Variants in GTSE1 observed in about 807,000 individuals in gnomAD.
The protein encoded by GTSE1 is G2 and S-phase expressed 1, also known as G2 and S phase-expressed protein 1.
A neutral mutation model predicts 60.5 loss-of-function variants in GTSE1; 52 were observed. The ratio of observed to expected loss-of-function variants is 0.86; its 90% CI spans 0.69 to 1.08. The LOEUF (loss-of-function observed/expected upper bound fraction) is 1.08. Ranked by LOEUF, GTSE1 falls within the 50% of genes least tolerant of loss-of-function variation. The pLI, the probability that GTSE1 is intolerant of heterozygous loss-of-function variation, is 0.00. For missense variants in GTSE1, 937 were observed against 961.8 expected, an observed-to-expected ratio of 0.97 and a Z score of 0.34; for synonymous variants, 368 against 386.5, an observed-to-expected ratio of 0.95 and a Z score of 0.56.
chr22:46,306,192 AT>A (rs1474108923), intron 2 of GTSE1, among the ~76,000 whole-genome samples: 2 of 151,530 alleles, frequency 1.3e-5, no homozygotes, highest in Admixed American at 1.3e-4. Context: ...TTATTTATTT[AT>A]TTTTTTGAGA....
At position 46,320,344 on chromosome 22, in the gene GTSE1, C is replaced by T. The variant is rs2077805429; in HGVS notation, c.1433-2846C>T. On this transcript the variant is annotated intron_variant, in intron 7 of 11. Coordinates refer to ENST00000454366, the MANE Select transcript of GTSE1 (RefSeq NM_016426.7). This position sits in a 1 kb window ranked among gnomAD's most constrained non-coding sequence, Gnocchi z 7.1. ...CCTCCTCTCTCCACAATGCTGGGAA[C>T]AGGACTGTCTCTTGCACGCCTTTGG... is the stretch of plus-strand genomic sequence containing the variant. Among the ~76,000 whole-genome samples, 1 of 152,226 alleles carries T rather than the reference C, an allele frequency of 6.6e-6. No homozygotes were observed. The highest frequency in any genetic ancestry group is 1.5e-5 in the Non-Finnish European group (1 of 68,042).
chr22:46,324,077 G>A lies in GTSE1; in HGVS notation c.1505+815G>A, dbSNP rs938208896. On this transcript the variant is annotated intron_variant, in intron 8 of 11. Transcript: ENST00000454366. This position sits in a 1 kb window ranked among gnomAD's most constrained non-coding sequence, Gnocchi z 5.2. ...GAATGTTGCTGACCTTTTTCCTCAC[G>A]TCAAGTAGGGATGGCCCAAGCTCAG... Among the ~76,000 whole-genome samples the A allele has an allele frequency of 5.9e-4, 90 of 152,246 alleles. 1 individual carries two copies. The highest frequency in any genetic ancestry group is 6.8e-3 in the Middle Eastern group (2 of 294).
At chr22:46,300,085 G>A (rs2147810945) in intron 2 of GTSE1, among the ~76,000 whole-genome samples, 1 of 148,638 alleles carries the variant, frequency 6.7e-6, no homozygotes, top group African/African-American at 2.5e-5. Context: ...TTACAGGCAT[G>A]AGCCACTGTG....
chr22:46,330,262 C>A lies in GTSE1; in HGVS notation c.*132C>A. ...TTGGGAGGCTGAGGTGGGCGGATTACTTGAGCCCAGGAGTTCGGGACCAGC... is the reference window on the plus strand; with the variant it reads ...TTGGGAGGCTGAGGTGGGCGGATTAATTGAGCCCAGGAGTTCGGGACCAGC... On this transcript the variant is annotated 3_prime_UTR_variant, in exon 12 of 12. Transcript: ENST00000454366. This position sits in a 1 kb window ranked among gnomAD's most constrained non-coding sequence, Gnocchi z 6.0. The A allele has an allele frequency of 1.6e-6, 1 of 642,766 alleles. No homozygotes were observed. The highest frequency in any genetic ancestry group is 2.9e-6 in the Non-Finnish European group (1 of 349,688). The allele number at this position is 642,766 out of a possible 1,614,324, so 39.8% of individuals were successfully genotyped here.
At chr22:46,299,404 C>T (rs2077676441) in intron 2 of GTSE1, among the ~76,000 whole-genome samples, 1 of 152,252 alleles carries the variant, frequency 6.6e-6, no homozygotes, top group African/African-American at 2.4e-5. Context: ...TATTTGGCGT[C>T]TTCACATGCA....
At chr22:46,315,360 A>G (rs2077772883) in intron 6 of GTSE1, among the ~76,000 whole-genome samples, 1 of 151,986 alleles carries the variant, frequency 6.6e-6, no homozygotes, top group Admixed American at 6.6e-5. Flanking sequence ...CCTGGCCCAC[A>G]TTTTTGTGTT....
Position 46,317,222 on chromosome 22 carries a change from C to T in GTSE1, c.1432+810C>T, listed in dbSNP as rs1168633978. 1.3e-5 allele frequency among the ~76,000 whole-genome samples: 2 copies of T among 152,184 alleles called. No homozygotes were observed. Among genetic ancestry groups the T allele is most frequent in the African/African-American group, 2.4e-5 (1 of 41,444 alleles). On this transcript the variant is annotated intron_variant, in intron 7 of 11. Transcript: ENST00000454366. The surrounding 1 kb of genome is among the most constrained non-coding windows in gnomAD (Gnocchi z 5.6). ...CCTCAAGTGACCCACCCATCTCGGC[C>T]TCTCAAACTGCTGGGATTATAGGTG...
In GTSE1 at chr22:46,318,849, T is replaced by C. The variant is rs193220221; in HGVS notation, c.1432+2437T>C. Among the ~76,000 whole-genome samples the C allele has an allele frequency of 2.0e-5, 3 of 152,280 alleles. No homozygotes were observed. The East Asian group carries it at 5.8e-4, about 29-fold the overall frequency. Reference sequence around the variant, plus strand: ...AGGGACCCAGGCTTACTCCATCCTGTGCTGCCGTGATGAGCTTCTCATCCT... The same window carrying C: ...AGGGACCCAGGCTTACTCCATCCTGCGCTGCCGTGATGAGCTTCTCATCCT... On this transcript the variant is annotated intron_variant, in intron 7 of 11. Transcript: ENST00000454366. The surrounding 1 kb of genome is among the most constrained non-coding windows in gnomAD (Gnocchi z 4.8).
chr22:46,311,138 T>TG, intron 4 of GTSE1, among the ~76,000 whole-genome samples: 1 of 151,970 alleles, frequency 6.6e-6, no homozygotes, highest in South Asian at 2.1e-4. Context: ...AGTGCAATGG[T>TG]GCAATCTCGG....
At position 46,321,657 on chromosome 22, in the gene GTSE1, C is replaced by T. The variant is rs80235320; in HGVS notation, c.1433-1533C>T. Among the ~76,000 whole-genome samples, 2,181 of 152,222 alleles carry T rather than the reference C, an allele frequency of 0.014. 47 individuals carry two copies. Among genetic ancestry groups the T allele is most frequent in the African/African-American group, 0.049 (2,052 of 41,532 alleles). ...TTTAGAAATGAGTGAAGGGAGACAT[C>T]GCAAGAAGCTTCCAGCACGCTGGAA... On this transcript the variant is annotated intron_variant, in intron 7 of 11. Coordinates refer to ENST00000454366, the MANE Select transcript of GTSE1 (RefSeq NM_016426.7). The surrounding 1 kb of genome is among the most constrained non-coding windows in gnomAD (Gnocchi z 4.0).
rs1569033558 is a variant in GTSE1, at chr22:46,297,379, G to A, written c.-21-1G>A. On this transcript the variant is annotated splice_acceptor_variant, in intron 1 of 11. Coordinates refer to ENST00000454366, the MANE Select transcript of GTSE1 (RefSeq NM_016426.7). LOFTEE classifies it low-confidence loss of function (5UTR_SPLICE). The surrounding 1 kb of genome is among the most constrained non-coding windows in gnomAD (Gnocchi z 4.9). Reference sequence around the variant, plus strand: ...CTTTCTGGCCCCGTTCCACCCTGCAGTGACTTCTGACAGCTCTCTCCATGG... The same window carrying A: ...CTTTCTGGCCCCGTTCCACCCTGCAATGACTTCTGACAGCTCTCTCCATGG... 1.9e-6 allele frequency: 3 copies of A among 1,585,328 alleles called. No individual in the cohort carries two copies. In the South Asian group the frequency reaches 3.3e-5, roughly 18 times the overall value.
In GTSE1 at chr22:46,313,787, G is replaced by T. The variant is rs756557671; in HGVS notation, c.928-103G>T. 1.5e-6 allele frequency: 2 copies of T among 1,298,758 alleles called. No homozygotes were observed. Among genetic ancestry groups the T allele is most frequent in the South Asian group, 2.5e-5 (2 of 79,990 alleles). 80.5% of individuals were successfully genotyped at this position (1,298,758 alleles called of 1,614,324 possible). On this transcript the variant is annotated intron_variant, in intron 5 of 11. Transcript: ENST00000454366. This position sits in a 1 kb window ranked among gnomAD's most constrained non-coding sequence, Gnocchi z 4.4. ...CTCCCAAAGTGCTGGGATTACAGGCGTGAGCCACCGTGCCCAGCCAAAAAC... is the reference window on the plus strand; with the variant it reads ...CTCCCAAAGTGCTGGGATTACAGGCTTGAGCCACCGTGCCCAGCCAAAAAC...
chr22:46,318,273 C>G lies in GTSE1; in HGVS notation c.1432+1861C>G, dbSNP rs2147825896. ...GTCAGGCAGATCTGCCCTCTGGGTGCTTGAGGATTTTAAGTTCTGGCAGTG... is the reference window on the plus strand; with the variant it reads ...GTCAGGCAGATCTGCCCTCTGGGTGGTTGAGGATTTTAAGTTCTGGCAGTG... On this transcript the variant is annotated intron_variant, in intron 7 of 11. Transcript: ENST00000454366. The surrounding 1 kb of genome is among the most constrained non-coding windows in gnomAD (Gnocchi z 4.8). Among the ~76,000 whole-genome samples the G allele has an allele frequency of 6.6e-6, 1 of 152,130 alleles. No individual in the cohort carries two copies. The highest frequency in any genetic ancestry group is 1.9e-4 in the East Asian group (1 of 5,182).
Position 46,313,958 on chromosome 22 carries a change from G to C in GTSE1, c.996G>C (p.Ser332=), listed in dbSNP as rs138458694. 2 of 1,614,166 alleles carry C rather than the reference G, an allele frequency of 1.2e-6. No homozygotes were observed. The highest frequency in any genetic ancestry group is 1.7e-6 in the Non-Finnish European group (2 of 1,180,008). ...STSNLARKSS[S]GPVWSGASSA... Reference sequence around the variant, plus strand: ...GCAATCTCGCAAGGAAGTCCTCCTCGGGGCCTGTTTGGAGCGGGGCATCCA... The same window carrying C: ...GCAATCTCGCAAGGAAGTCCTCCTCCGGGCCTGTTTGGAGCGGGGCATCCA... The change falls in exon 6 of 12, where the codon TCG becomes TCC. Residue 332 remains serine, a synonymous_variant. Transcript: ENST00000454366. The surrounding 1 kb of genome is among the most constrained non-coding windows in gnomAD (Gnocchi z 4.4).
intron 2 of GTSE1, among the ~76,000 whole-genome samples, chr22:46,301,150 G>A (rs2077687215): frequency 6.6e-6 from 1 of 152,206 alleles, no homozygotes; most frequent in South Asian, 2.1e-4. Flanking sequence ...TCTGCTGTGG[G>A]TGAACATTTA....
intron 7 of GTSE1, among the ~76,000 whole-genome samples, chr22:46,322,295 G>T (rs973404304): frequency 6.6e-6 from 1 of 152,142 alleles, no homozygotes. Flanking sequence ...CTGGACCCTC[G>T]CCTGGCCTCC....
At position 46,329,567 on chromosome 22, in the gene GTSE1, G is replaced by T; in HGVS notation, c.2136G>T (p.Gln712His). 6.2e-7 allele frequency: 1 copy of T among 1,612,490 alleles called. No homozygotes were observed. Among genetic ancestry groups the T allele is most frequent in the South Asian group, 1.1e-5 (1 of 91,052 alleles). Reference protein sequence around the residue: ...NVAKPSPVVGQLIDLSSPLIQ... With the variant: ...NVAKPSPVVGHLIDLSSPLIQ... ...CCAAACCTTCACCGGTGGTGGGACA[G>T]GTGAGAAGTGGCAGGTGGTTCATGT... The change falls in exon 11 of 12, where the codon CAG (glutamine) becomes CAT (histidine). Residue 712 changes from glutamine (Q) to histidine (H), a missense_variant and splice_region_variant. Physicochemically the swap from Gln to His is conservative, Grantham distance 24. Coordinates refer to ENST00000454366, the MANE Select transcript of GTSE1 (RefSeq NM_016426.7). The surrounding 1 kb of genome is among the most constrained non-coding windows in gnomAD (Gnocchi z 6.4).
rs1033127384 is a variant in GTSE1 at position 46,329,689 on chromosome 22, C to A, written c.2136+122C>A. 2.6e-6 allele frequency: 2 copies of A among 760,296 alleles called. No individual in the cohort carries two copies. The highest frequency in any genetic ancestry group is 4.6e-6 in the Non-Finnish European group (2 of 435,894). The allele number at this position is 760,296 out of a possible 1,614,324, so 47.1% of individuals were successfully genotyped here. A position where few individuals can be genotyped will look rare whatever the true frequency, so the allele number is the denominator to read the frequency against. On this transcript the variant is annotated intron_variant, in intron 11 of 11. Transcript: ENST00000454366. The surrounding 1 kb of genome is among the most constrained non-coding windows in gnomAD (Gnocchi z 6.4). The stretch of plus-strand genomic sequence containing the variant: ...TGGCTGTTGAGTCTTCTCAGCTACA[C>A]ACCTCAGGGCAGGATGCACCTTTGG...
Position 46,323,247 on chromosome 22 carries a change from G to A in GTSE1, c.1490G>A (p.Cys497Tyr), listed in dbSNP as rs768082145. 2.5e-6 allele frequency: 4 copies of A among 1,613,378 alleles called. No individual in the cohort carries two copies. Among genetic ancestry groups the A allele is most frequent in the Non-Finnish European group, 3.4e-6 (4 of 1,179,408 alleles). ...KLSRAQRPQS[C>Y]TSVGRVTVHS... The stretch of plus-strand genomic sequence containing the variant: ...TCGCGGGCACAGCGGCCGCAGTCGT[G>A]CACGTCAGTTGGCAGGTGAGTGACG... The change falls in exon 8 of 12, where the codon TGC becomes TAC. Residue 497 changes from cysteine to tyrosine, a missense_variant. Physicochemically the swap from Cys to Tyr is radical, Grantham distance 194. Coordinates refer to ENST00000454366, the MANE Select transcript of GTSE1 (RefSeq NM_016426.7).
Sources: allele counts gnomAD v4.1 joint callset (sites outside exome capture counted in the v4.1 genomes callset), GRCh38; gene constraint gnomAD v4.1.1; non-coding constraint Gnocchi (gnomAD v3.1); transcripts MANE v1.5; gene names NCBI Gene and HGNC (gene_info 2026-07-23, HGNC 2026-07-21).